The following DPP10 variants were observed in gnomAD, a reference collection of about 807,000 sequenced individuals.
DPP10 encodes dipeptidyl peptidase like 10.
DPP10 carries 33 observed loss-of-function variants against 120.9 expected under a neutral mutation model. The ratio of observed to expected loss-of-function variants is 0.27; its 90% confidence interval spans 0.21 to 0.37. The LOEUF is 0.37. Among genes scored for constraint, DPP10 ranks in the 10% least tolerant of loss-of-function variants. DPP10 has a pLI of 1.00. For missense variants in DPP10, 816 were observed against 942.8 expected (o/e 0.87, Z 1.76); for synonymous variants, 337 against 326.1 (o/e 1.03, Z -0.36).
chr2:115,277,252 C>T (rs1227778069), intron 1 of DPP10, among the ~76,000 whole-genome samples: 6 of 152,096 alleles, frequency 3.9e-5, no homozygotes, highest in Admixed American at 3.9e-4. Context: ...GTGTGCCTGA[C>T]TTACCATTTC....
At chr2:115,306,539 G>T (rs2061366891) in intron 1 of DPP10, among the ~76,000 whole-genome samples, 1 of 151,976 alleles carries the variant, frequency 6.6e-6, no homozygotes, top group African/African-American at 2.4e-5. Flanking sequence ...GGATGTTAAA[G>T]AACTTTGGAG....
intron 1 of DPP10, among the ~76,000 whole-genome samples, chr2:115,169,859 A>G (rs1189502303): frequency 6.6e-6 from 1 of 152,208 alleles, no homozygotes; most frequent in Non-Finnish European, 1.5e-5. Flanking sequence ...ATCAGATTAT[A>G]AAAGATAGCA....
At chr2:115,162,192 G>T in intron 1 of DPP10, 1 of 1,551,740 alleles carries the variant, frequency 6.4e-7, no homozygotes, top group Admixed American at 2.0e-5. Context: ...GACTCTGCGG[G>T]AAGTTAGAGC....
intron 5 of DPP10, among the ~76,000 whole-genome samples, chr2:115,536,124 A>G (rs1015185819): frequency 2.6e-5 from 4 of 152,046 alleles, no homozygotes; most frequent in African/African-American, 7.2e-5. Flanking sequence ...ACACACAAAA[A>G]AAGAAGATAG....
At chr2:114,934,419 G>A (rs1419231490) in intron 1 of DPP10, among the ~76,000 whole-genome samples, 1 of 152,100 alleles carries the variant, frequency 6.6e-6, no homozygotes, top group African/African-American at 2.4e-5. Flanking sequence ...TTATAAGAAA[G>A]AGAAAATATT....
At chr2:115,621,439 A>G (rs2084933768) in intron 5 of DPP10, among the ~76,000 whole-genome samples, 1 of 152,224 alleles carries the variant, frequency 6.6e-6, no homozygotes, top group South Asian at 2.1e-4. Context: ...ACAAATCTAA[A>G]TAAAAAATGA....
intron 3 of DPP10, among the ~76,000 whole-genome samples, chr2:115,429,291 G>A (rs1487828847): frequency 6.6e-6 from 1 of 152,052 alleles, no homozygotes; most frequent in East Asian, 1.9e-4. Flanking sequence ...CTACTGTAAT[G>A]TTTAAACTGC....
chr2:115,334,683 G>A (rs1243156644), intron 2 of DPP10, among the ~76,000 whole-genome samples: 1 of 151,900 alleles, frequency 6.6e-6, no homozygotes, highest in Non-Finnish European at 1.5e-5. Context: ...GAACAACTAT[G>A]AAAGAGATAT....
intron 1 of DPP10, among the ~76,000 whole-genome samples, chr2:114,887,572 G>A (rs1026554398): frequency 1.3e-5 from 2 of 152,148 alleles, no homozygotes; most frequent in African/African-American, 4.8e-5. Context: ...TATGAAGCAG[G>A]TTGCTCACCT....
At chr2:114,700,775 C>T (rs1700340776) in intron 1 of DPP10, among the ~76,000 whole-genome samples, 1 of 152,036 alleles carries the variant, frequency 6.6e-6, no homozygotes, top group South Asian at 2.1e-4. Context: ...GTACCATAAA[C>T]GTCCCCTAAC....
chr2:115,400,013 C>T (rs35568580), intron 3 of DPP10, among the ~76,000 whole-genome samples: 11,942 of 152,120 alleles, frequency 0.079, 651 homozygotes, highest in Non-Finnish European at 0.11. Flanking sequence ...CAGAGCAGGA[C>T]GTCTCATATG....
intron 1 of DPP10, among the ~76,000 whole-genome samples, chr2:114,603,432 TA>T (rs893576951): frequency 8.5e-5 from 13 of 152,056 alleles, no homozygotes; most frequent in Non-Finnish European, 8.8e-5. Flanking sequence ...TCTTAAACCA[TA>T]ACGTCGGGAT....
At chr2:115,427,025 C>T (rs999703205) in intron 3 of DPP10, among the ~76,000 whole-genome samples, 2 of 152,186 alleles carry the variant, frequency 1.3e-5, no homozygotes, top group African/African-American at 4.8e-5. Flanking sequence ...GGCTGCAGGC[C>T]CCATGCAAGT....
intron 1 of DPP10, among the ~76,000 whole-genome samples, chr2:114,841,186 T>C (rs1240941327): frequency 1.3e-5 from 2 of 152,190 alleles, no homozygotes; most frequent in Admixed American, 6.6e-5. Flanking sequence ...AGCAATCTTT[T>C]CAAAACTGTC....
chr2:114,543,652 C>G (rs1221274525), intron 1 of DPP10, among the ~76,000 whole-genome samples: 3 of 152,214 alleles, frequency 2.0e-5, no homozygotes, highest in Non-Finnish European at 4.4e-5. Flanking sequence ...CACACTTGCT[C>G]TGCTGCCAAG....
chr2:115,818,190 A>C (rs945701731), intron 21 of DPP10, among the ~76,000 whole-genome samples: 9 of 152,152 alleles, frequency 5.9e-5, no homozygotes, highest in Admixed American at 3.3e-4. Context: ...GGGTTCTTGG[A>C]ATTTTTGTCT....
chr2:115,185,340 T>C (rs892562969), intron 1 of DPP10, among the ~76,000 whole-genome samples: 1 of 152,122 alleles, frequency 6.6e-6, no homozygotes, highest in African/African-American at 2.4e-5. Flanking sequence ...CTGCATCATA[T>C]TCTTGAGGGA....
chr2:115,473,402 A>C (rs1574950674), intron 3 of DPP10, among the ~76,000 whole-genome samples: 1 of 152,166 alleles, frequency 6.6e-6, no homozygotes, highest in Non-Finnish European at 1.5e-5. Context: ...CCCTAAATGA[A>C]AGAAGATTCC....
At chr2:114,848,011 C>A (rs1688674937) in intron 1 of DPP10, among the ~76,000 whole-genome samples, 1 of 152,058 alleles carries the variant, frequency 6.6e-6, no homozygotes, top group African/African-American at 2.4e-5. Context: ...CTTACACTGC[C>A]AAAAGTATCA....
Sources: gnomAD v4.1 joint callset for allele counts (sites outside exome capture counted in the v4.1 genomes callset) on GRCh38, gnomAD v4.1.1 for gene constraint, MANE v1.5 for transcripts, NCBI Gene and HGNC (gene_info 2026-07-23, HGNC 2026-07-21) for gene names.